The following EDARADD variants were observed in gnomAD, a reference collection of about 807,000 sequenced individuals.
The protein encoded by EDARADD is ectodysplasin-A receptor-associated adapter protein.
A neutral mutation model predicts 25.6 loss-of-function variants in EDARADD; 20 were observed. The observed-to-expected ratio is 0.78, with a 90% confidence interval of 0.55 to 1.14. The LOEUF is 1.14. Ranked by LOEUF, EDARADD falls within the 50% of genes most tolerant of loss-of-function variation. The probability of loss-of-function intolerance (pLI) is 0.00; values close to 1 mark genes in which losing one functional copy is unlikely to be tolerated. For missense variants in EDARADD, 225 were observed against 270.1 expected (o/e 0.83, Z 1.17); for synonymous variants, 86 against 94.4 (o/e 0.91, Z 0.52).
chr1:236,382,864 C>T lies in EDARADD; in HGVS notation c.-5-26352C>T, dbSNP rs538176244. Among the ~76,000 whole-genome samples, 16 of 152,226 alleles carry T rather than the reference C, an allele frequency of 1.1e-4. No individual in the cohort carries two copies. In the East Asian group the frequency reaches 2.9e-3, roughly 28 times the overall value. On this transcript the variant is annotated intron_variant, in intron 3 of 7. Coordinates refer to the EDARADD transcript ENST00000439430. ...TCTGAAGTTCCCACATGGTTCTTTCCCCAGCCTTGGATAATTTCCAGGATG... is the reference window on the plus strand; with the variant it reads ...TCTGAAGTTCCCACATGGTTCTTTCTCCAGCCTTGGATAATTTCCAGGATG...
rs1366387012 is a variant in EDARADD at position 236,449,712 on chromosome 1, G to A, written c.220-18519G>A. On this transcript the variant is annotated intron_variant, in intron 4 of 5. Transcript: ENST00000334232. ...TTTGCTAAATCACAAAGCCTTAGCT[G>A]TGATAGGTACTCGTTATTTGTTTAA... Among the ~76,000 whole-genome samples the A allele has an allele frequency of 2.0e-5, 3 of 152,234 alleles. No homozygotes were observed. The East Asian group carries it at 5.8e-4, about 29-fold the overall frequency.
At chr1:236,379,552 G>A (rs530397737) in intron 3 of EDARADD, among the ~76,000 whole-genome samples, 1 of 152,132 alleles carries the variant, frequency 6.6e-6, no homozygotes, top group Admixed American at 6.5e-5. Flanking sequence ...GCCGAGGCGG[G>A]CAGATCACCT....
chr1:236,451,031 T>A (rs1476479120), intron 4 of EDARADD, among the ~76,000 whole-genome samples: 1 of 152,174 alleles, frequency 6.6e-6, no homozygotes, highest in Non-Finnish European at 1.5e-5. Flanking sequence ...TTACCTCATA[T>A]GGGCAGTGCA....
At chr1:236,374,112 G>A (rs939193947) in intron 3 of EDARADD, among the ~76,000 whole-genome samples, 1 of 152,162 alleles carries the variant, frequency 6.6e-6, no homozygotes, top group African/African-American at 2.4e-5. Context: ...ATGTTCATGT[G>A]AGCTTGGAAA....
At chr1:236,411,478 T>A (rs914806521) in intron 2 of EDARADD, among the ~76,000 whole-genome samples, 3 of 151,860 alleles carry the variant, frequency 2.0e-5, no homozygotes, top group African/African-American at 7.3e-5. Flanking sequence ...TCCCAGGGTG[T>A]TTGTGTCTCG....
chr1:236,476,274 G>A (rs1209861962), intron 5 of EDARADD, among the ~76,000 whole-genome samples: 1 of 151,974 alleles, frequency 6.6e-6, no homozygotes, highest in South Asian at 2.1e-4. Context: ...TCTTCTTGAC[G>A]ATAACATTGC....
intron 3 of EDARADD, among the ~76,000 whole-genome samples, chr1:236,384,085 G>A (rs144327322): frequency 5.9e-5 from 9 of 152,232 alleles, no homozygotes; most frequent in African/African-American, 2.2e-4. Flanking sequence ...TGAATGTGTT[G>A]TATCATATTT....
intron 5 of EDARADD, among the ~76,000 whole-genome samples, chr1:236,481,629 A>G (rs780276055): frequency 6.0e-5 from 9 of 150,510 alleles, no homozygotes; most frequent in Non-Finnish European, 1.2e-4. Flanking sequence ...GAAAGAAAAG[A>G]TTAGCCAGGT....
intron 4 of EDARADD, among the ~76,000 whole-genome samples, chr1:236,438,346 CAAT>C (rs1327929985): frequency 2.0e-5 from 3 of 152,142 alleles, no homozygotes; most frequent in Non-Finnish European, 4.4e-5. Flanking sequence ...AAGAACCTTA[CAAT>C]AATAATAACA....
chr1:236,446,928 G>C (rs186540974), intron 4 of EDARADD, among the ~76,000 whole-genome samples: 78 of 152,290 alleles, frequency 5.1e-4, no homozygotes, highest in African/African-American at 1.9e-3. Context: ...GGTTGTCCCA[G>C]GTACTGCTCA....
chr1:236,441,282 T>TAA (rs1041815431), intron 4 of EDARADD, among the ~76,000 whole-genome samples: 1 of 144,348 alleles, frequency 6.9e-6, no homozygotes, highest in Non-Finnish European at 1.5e-5. Flanking sequence ...TATATATATA[T>TAA]TATATATATA....
chr1:236,446,077 A>AT (rs1195459464), intron 4 of EDARADD, among the ~76,000 whole-genome samples: 10 of 152,328 alleles, frequency 6.6e-5, no homozygotes, highest in Non-Finnish European at 1.3e-4. Context: ...GAAATGCTTT[A>AT]TATGAAAAAT....
chr1:236,390,730 C>G (rs112386486), upstream of EDARADD, among the ~76,000 whole-genome samples: 9 of 152,286 alleles, frequency 5.9e-5, no homozygotes, highest in African/African-American at 2.2e-4. Flanking sequence ...TAGCTCTGTT[C>G]CATCCTACAC....
At chr1:236,412,240 G>A (rs760196444) in intron 2 of EDARADD, among the ~76,000 whole-genome samples, 1 of 152,102 alleles carries the variant, frequency 6.6e-6, no homozygotes, top group Non-Finnish European at 1.5e-5. Flanking sequence ...ATGAACTCCT[G>A]TGCTTCTTCC....
Position 236,482,140 on chromosome 1 carries a change from C to T in EDARADD, c.266-127C>T, listed in dbSNP as rs603158. 0.67 allele frequency: 681,922 copies of T among 1,016,330 alleles called. 232,038 individuals carry two copies. The highest frequency in any genetic ancestry group is 0.69 in the Non-Finnish European group (470,071 of 684,320). The allele number at this position is 1,016,330 out of a possible 1,614,324, so 63.0% of individuals were successfully genotyped here. ...AAAAAAAAAAAAAAAAAGAAAGAAA[C>T]GAGCATTCTGAAATAGTCTTCCATA... is the stretch of plus-strand genomic sequence containing the variant. On this transcript the variant is annotated intron_variant, in intron 5 of 5. Transcript: ENST00000334232.
At chr1:236,481,437 T>C (rs1659667500) in intron 5 of EDARADD, among the ~76,000 whole-genome samples, 1 of 152,038 alleles carries the variant, frequency 6.6e-6, no homozygotes, top group Non-Finnish European at 1.5e-5. Context: ...AAATTCTTAC[T>C]CCTTCTAGCA....
intron 3 of EDARADD, among the ~76,000 whole-genome samples, chr1:236,363,086 C>G (rs1422624242): frequency 2.9e-5 from 4 of 139,414 alleles, no homozygotes; most frequent in Non-Finnish European, 4.5e-5. Context: ...CTAGACTGCT[C>G]TCAAACTCCT....
At chr1:236,385,322 T>C (rs977232511) in intron 3 of EDARADD, among the ~76,000 whole-genome samples, 1 of 144,502 alleles carries the variant, frequency 6.9e-6, no homozygotes, top group African/African-American at 2.6e-5. Context: ...GGCAGGAGAA[T>C]GGCATGAAGC....
At chr1:236,454,239 A>G (rs113519916) in intron 4 of EDARADD, among the ~76,000 whole-genome samples, 2,037 of 152,208 alleles carry the variant, frequency 0.013, 31 homozygotes, top group Middle Eastern at 0.088. Flanking sequence ...TAGTAGAGAC[A>G]GGGTTTCACC....
Sources: gnomAD v4.1 joint callset for allele counts (sites outside exome capture counted in the v4.1 genomes callset) on GRCh38, gnomAD v4.1.1 for gene constraint, MANE v1.5 for transcripts, NCBI Gene and HGNC (gene_info 2026-07-23, HGNC 2026-07-21) for gene names.